AGBL4: variants seen among roughly 807,000 people sequenced by gnomAD.
AGBL4 encodes cytosolic carboxypeptidase 6.
Under a neutral mutation model 66.4 loss-of-function variants are expected in AGBL4, and 58 were observed. The observed-to-expected ratio is 0.87, with a 90% CI of 0.71 to 1.09. AGBL4 has a LOEUF of 1.09. AGBL4 is among the 50% of genes least tolerant of loss of function. AGBL4 has a pLI of 0.00. For missense variants in AGBL4, 579 were observed against 631.0 expected (o/e 0.92, Z 0.88); for synonymous variants, 234 against 222.9 (o/e 1.05, Z -0.44).
intron 2 of AGBL4, among the ~76,000 whole-genome samples, chr1:49,773,198 C>T (rs1371582712): frequency 2.0e-5 from 3 of 151,890 alleles, no homozygotes; most frequent in Non-Finnish European, 4.4e-5. Flanking sequence ...TTTATGATAC[C>T]TCTTTGTTTG....
intron 1 of AGBL4, among the ~76,000 whole-genome samples, chr1:50,009,155 C>T (rs556627820): frequency 2.9e-4 from 44 of 152,200 alleles, no homozygotes; most frequent in Middle Eastern, 3.4e-3. Context: ...GCCAGTATTA[C>T]CCTGATACCT....
At chr1:49,518,053 A>G (rs1649971827) in intron 3 of AGBL4, among the ~76,000 whole-genome samples, 1 of 152,100 alleles carries the variant, frequency 6.6e-6, no homozygotes, top group Admixed American at 6.6e-5. Flanking sequence ...CATAGACTGA[A>G]GTATAATGGG....
chr1:48,630,036 A>G (rs1185090737), intron 9 of AGBL4, among the ~76,000 whole-genome samples: 1 of 152,138 alleles, frequency 6.6e-6, no homozygotes, highest in Non-Finnish European at 1.5e-5. Context: ...AGATGAGTTA[A>G]CCAGACCCTT....
At chr1:49,074,497 T>C (rs1644673378) in intron 4 of AGBL4, among the ~76,000 whole-genome samples, 1 of 152,222 alleles carries the variant, frequency 6.6e-6, no homozygotes, top group African/African-American at 2.4e-5. Context: ...AGCTGCAGAC[T>C]GGAGCTGTTC....
intron 4 of AGBL4, among the ~76,000 whole-genome samples, chr1:49,096,389 C>G (rs555447634): frequency 6.6e-6 from 1 of 152,046 alleles, no homozygotes; most frequent in East Asian, 1.9e-4. Flanking sequence ...CACATGCACA[C>G]GTATGTTTAT....
intron 6 of AGBL4, among the ~76,000 whole-genome samples, chr1:48,797,195 T>G (rs78720084): frequency 0.025 from 3,846 of 152,268 alleles, 141 homozygotes; most frequent in African/African-American, 0.088. Context: ...TCAGAATCCT[T>G]TCTAATTAAT....
intron 4 of AGBL4, among the ~76,000 whole-genome samples, chr1:49,211,417 CACA>C (rs1648659911): frequency 6.6e-6 from 1 of 152,056 alleles, no homozygotes; most frequent in Admixed American, 6.6e-5. Flanking sequence ...TCAACAGGAT[CACA>C]ACAACTCTGA....
intron 6 of AGBL4, among the ~76,000 whole-genome samples, chr1:48,745,222 A>C (rs557345976): frequency 3.1e-4 from 47 of 152,242 alleles, no homozygotes; most frequent in African/African-American, 6.7e-4. Context: ...AAAGATTCTG[A>C]AGTAAAGTCC....
chr1:49,620,961 A>T (rs1327487351), intron 3 of AGBL4, among the ~76,000 whole-genome samples: 2 of 152,100 alleles, frequency 1.3e-5, no homozygotes, highest in African/African-American at 4.8e-5. Context: ...ATCTAGATAC[A>T]TTGTTAATAG....
Position 49,769,393 on chromosome 1 carries a change from A to G in AGBL4, c.158-71956T>C, listed in dbSNP as rs576313454. Among the ~76,000 whole-genome samples the G allele has an allele frequency of 7.2e-5, 11 of 152,324 alleles. No homozygotes were observed. In the South Asian group the frequency reaches 2.1e-3, roughly 29 times the overall value. ...ATCTCTAAAATGGCCATAATGCCCA[A>G]AGCAAATTAAAAATCCAATGCTATT... On this transcript the variant is annotated intron_variant, in intron 2 of 13. Coordinates refer to ENST00000371839, the MANE Select transcript of AGBL4 (RefSeq NM_032785.4).
Position 49,697,419 on chromosome 1 carries a change from T to C in AGBL4, c.176A>G (p.Asp59Gly). 1 of 1,526,676 alleles carries C rather than the reference T, an allele frequency of 6.6e-7. No individual in the cohort carries two copies. Among genetic ancestry groups the C allele is most frequent in the Non-Finnish European group, 8.9e-7 (1 of 1,127,628 alleles). 94.6% of individuals were successfully genotyped at this position (1,526,676 alleles called of 1,614,324 possible). Reference sequence around the variant, plus strand: ...ATCATACTCAAACTCAGAGACCTGGTCCACCCGGCCCAGGTTACCTGGTAA... The same window carrying C: ...ATCATACTCAAACTCAGAGACCTGGCCCACCCGGCCCAGGTTACCTGGTAA... Reference protein sequence around the residue: ...CFESGNLGRVDQVSEFEYDLF... With the variant: ...CFESGNLGRVGQVSEFEYDLF... Residue 59 changes from aspartate to glycine, a missense_variant, in exon 3 of 14, where the codon GAC becomes GGC. Physicochemically the swap from Asp to Gly is moderately conservative, Grantham distance 94. Coordinates refer to ENST00000371839, the MANE Select transcript of AGBL4 (RefSeq NM_032785.4).
At chr1:49,734,424 G>GAAA (rs1290261144) in intron 2 of AGBL4, among the ~76,000 whole-genome samples, 1 of 152,056 alleles carries the variant, frequency 6.6e-6, no homozygotes, top group African/African-American at 2.4e-5. Flanking sequence ...AAAAAGTACG[G>GAAA]AGACTAATAA....
intron 3 of AGBL4, among the ~76,000 whole-genome samples, chr1:49,690,498 A>G (rs920103658): frequency 6.6e-6 from 1 of 152,224 alleles, no homozygotes; most frequent in Admixed American, 6.5e-5. Context: ...TACTAATTGT[A>G]TGATCTTCAG....
intron 3 of AGBL4, among the ~76,000 whole-genome samples, chr1:49,533,647 T>G (rs1456026401): frequency 6.6e-6 from 1 of 152,134 alleles, no homozygotes. Context: ...ACTCTTCAAG[T>G]CCTGAGGATT....
intron 2 of AGBL4, among the ~76,000 whole-genome samples, chr1:49,796,476 A>G (rs892518722): frequency 6.6e-6 from 1 of 151,582 alleles, no homozygotes; most frequent in African/African-American, 2.4e-5. Context: ...ACCGCTTAAT[A>G]ATATTCTGTT....
chr1:48,750,630 G>A (rs1054044900), intron 6 of AGBL4, among the ~76,000 whole-genome samples: 3 of 152,174 alleles, frequency 2.0e-5, no homozygotes, highest in Non-Finnish European at 4.4e-5. Flanking sequence ...TGATTTCTCC[G>A]TGCCTAGCAC....
At chr1:49,561,765 C>T (rs1644052214) in intron 3 of AGBL4, among the ~76,000 whole-genome samples, 2 of 152,120 alleles carry the variant, frequency 1.3e-5, no homozygotes, top group South Asian at 4.1e-4. Flanking sequence ...CCACAATAAA[C>T]ATACGTGTGC....
chr1:49,409,812 T>C (rs914918410), intron 3 of AGBL4, among the ~76,000 whole-genome samples: 2 of 152,204 alleles, frequency 1.3e-5, no homozygotes, highest in African/African-American at 4.8e-5. Flanking sequence ...TTTTCTTTGA[T>C]ATAATTTCAG....
chr1:49,790,919 A>G (rs1644584216), intron 2 of AGBL4, among the ~76,000 whole-genome samples: 1 of 152,230 alleles, frequency 6.6e-6, no homozygotes, highest in South Asian at 2.1e-4. Flanking sequence ...ATTGACTGAT[A>G]GAAGCTAAAA....
Sources: allele counts gnomAD v4.1 joint callset (sites outside exome capture counted in the v4.1 genomes callset), GRCh38; gene constraint gnomAD v4.1.1; transcripts MANE v1.5; gene names NCBI Gene and HGNC (gene_info 2026-07-23, HGNC 2026-07-21).